TOX: variants seen among roughly 807,000 people sequenced by gnomAD.
The protein encoded by TOX is thymocyte selection associated high mobility group box.
Under a neutral mutation model 53.7 loss-of-function variants are expected in TOX, and 11 were observed. The ratio of observed to expected loss-of-function variants is 0.20; its 90% CI spans 0.13 to 0.34. The LOEUF (loss-of-function observed/expected upper bound fraction) is 0.34. Ranked by LOEUF, TOX falls within the 10% of genes least tolerant of loss-of-function variation. The probability of loss-of-function intolerance (pLI) is 1.00; values close to 1 mark genes in which losing one functional copy is unlikely to be tolerated. For missense variants in TOX, 570 were observed against 664.6 expected (o/e 0.86, Z 1.56); for synonymous variants, 225 against 245.3 (o/e 0.92, Z 0.77).
intron 1 of TOX, among the ~76,000 whole-genome samples, chr8:58,972,115 GATC>G (rs1813012668): frequency 6.6e-6 from 1 of 152,172 alleles, no homozygotes; most frequent in Non-Finnish European, 1.5e-5. Flanking sequence ...AAACTTTGTA[GATC>G]ATTATATGTA....
intron 3 of TOX, among the ~76,000 whole-genome samples, chr8:58,871,598 A>T (rs369039284): frequency 1.7e-4 from 26 of 152,258 alleles, no homozygotes; most frequent in East Asian, 1.5e-3. Flanking sequence ...TAAGCACTGT[A>T]CCCTAGTTCA....
chr8:58,955,387 C>A (rs752039800), intron 2 of TOX, among the ~76,000 whole-genome samples: 12 of 151,692 alleles, frequency 7.9e-5, no homozygotes, highest in Non-Finnish European at 1.5e-4. Context: ...GGAATAAAAG[C>A]AGGAAGGTGG....
intron 1 of TOX, among the ~76,000 whole-genome samples, chr8:58,967,164 A>G (rs1812919919): frequency 1.3e-5 from 2 of 152,078 alleles, no homozygotes; most frequent in African/African-American, 2.4e-5. Context: ...GTGAGCCACC[A>G]CACCCGGCCA....
chr8:58,838,889 A>T (rs1032904973), intron 4 of TOX, among the ~76,000 whole-genome samples: 1 of 151,684 alleles, frequency 6.6e-6, no homozygotes, highest in Non-Finnish European at 1.5e-5. Flanking sequence ...TTTAGTAGAG[A>T]TGGGTTTTCA....
At chr8:59,060,370 G>A (rs753359229) in intron 1 of TOX, among the ~76,000 whole-genome samples, 2 of 152,188 alleles carry the variant, frequency 1.3e-5, no homozygotes, top group African/African-American at 2.4e-5. Context: ...GCTCACGCCC[G>A]TAATCCTGGC....
chr8:58,906,520 G>A (rs187065509), intron 3 of TOX, among the ~76,000 whole-genome samples: 3 of 152,184 alleles, frequency 2.0e-5, no homozygotes, highest in South Asian at 2.1e-4. Context: ...CTTGCTGATC[G>A]CAATTACAAT....
intron 1 of TOX, among the ~76,000 whole-genome samples, chr8:59,045,857 C>A (rs1803672576): frequency 6.6e-6 from 1 of 152,122 alleles, no homozygotes; most frequent in African/African-American, 2.4e-5. Flanking sequence ...GGAATGAGGC[C>A]AAAATATTTG....
At chr8:59,080,964 G>A (rs146692320) in intron 1 of TOX, among the ~76,000 whole-genome samples, 397 of 152,266 alleles carry the variant, frequency 2.6e-3, no homozygotes, top group Non-Finnish European at 4.2e-3. Flanking sequence ...CTGTGTGTTG[G>A]TGGAAGTTAT....
At chr8:59,080,403 T>C (rs1336407370) in intron 1 of TOX, among the ~76,000 whole-genome samples, 2 of 152,124 alleles carry the variant, frequency 1.3e-5, no homozygotes, top group Admixed American at 6.5e-5. Flanking sequence ...TAGGTAAAGG[T>C]ACTCCCCTTG....
chr8:58,994,638 T>C (rs1813525612), intron 1 of TOX, among the ~76,000 whole-genome samples: 1 of 152,120 alleles, frequency 6.6e-6, no homozygotes, highest in South Asian at 2.1e-4. Flanking sequence ...AGTAATGCCA[T>C]AAAATTTTAA....
At chr8:58,842,250 T>A (rs2129167353) in intron 4 of TOX, among the ~76,000 whole-genome samples, 1 of 152,128 alleles carries the variant, frequency 6.6e-6, no homozygotes, top group Non-Finnish European at 1.5e-5. Flanking sequence ...GCAGACTGCG[T>A]GGGGAAGACA....
intron 3 of TOX, among the ~76,000 whole-genome samples, chr8:58,853,732 A>G (rs1331524950): frequency 1.3e-5 from 2 of 152,188 alleles, no homozygotes; most frequent in Admixed American, 1.3e-4. Flanking sequence ...TAGCCCATTC[A>G]TGTTGCCTTC....
At chr8:59,073,894 G>C (rs1804246622) in intron 1 of TOX, among the ~76,000 whole-genome samples, 1 of 152,112 alleles carries the variant, frequency 6.6e-6, no homozygotes, top group Admixed American at 6.5e-5. Context: ...AGTGTGACTT[G>C]CGGATATTAC....
chr8:58,850,087 C>T (rs1810784516), intron 4 of TOX, among the ~76,000 whole-genome samples: 1 of 152,172 alleles, frequency 6.6e-6, no homozygotes, highest in Admixed American at 6.5e-5. Context: ...TGCCTTTTCA[C>T]CTAACTCATG....
At chr8:58,808,030 T>C in intron 8 of TOX, 88 bp downstream of exon 8, 1 of 1,508,258 alleles carries the variant, frequency 6.6e-7, no homozygotes, top group South Asian at 1.3e-5. Context: ...CCGGATCATG[T>C]TTTTGGAAAC....
intron 1 of TOX, among the ~76,000 whole-genome samples, chr8:59,078,432 G>A (rs914196172): frequency 1.9e-4 from 29 of 152,162 alleles, no homozygotes; most frequent in African/African-American, 7.0e-4. Context: ...ACAAGATCTT[G>A]TCATTTAAAA....
At chr8:58,959,882 C>A (rs1812772732) in intron 2 of TOX, 61 bp downstream of exon 2, 2 of 1,552,786 alleles carry the variant, frequency 1.3e-6, no homozygotes, top group African/African-American at 1.4e-5. Flanking sequence ...ATTTGCAATG[C>A]AACTCTTTGA....
intron 3 of TOX, among the ~76,000 whole-genome samples, chr8:58,899,227 G>T (rs1024402717): frequency 6.6e-6 from 1 of 152,186 alleles, no homozygotes; most frequent in Non-Finnish European, 1.5e-5. Context: ...CTACTAACTG[G>T]CTAGCAATTG....
At chr8:58,808,291 C>T (rs1027161279) in intron 7 of TOX, 22 bp from the exon 8 acceptor site, 14 of 1,592,220 alleles carry the variant, frequency 8.8e-6, no homozygotes, top group Non-Finnish European at 1.2e-5. Context: ...AGCAAGTCCG[C>T]AAATAAGGAT....
Sources: gnomAD v4.1 joint callset for allele counts (sites outside exome capture counted in the v4.1 genomes callset) on GRCh38, gnomAD v4.1.1 for gene constraint, MANE v1.5 for transcripts, NCBI Gene and HGNC (gene_info 2026-07-23, HGNC 2026-07-21) for gene names.